ERBB4: variants seen among roughly 807,000 people sequenced by gnomAD.
ERBB4 encodes erb-b2 receptor tyrosine kinase 4.
In ERBB4, 42 loss-of-function variants were observed where a neutral mutation model predicts 158.0. The observed-to-expected ratio is 0.27, with a 90% CI of 0.21 to 0.34. ERBB4 has a LOEUF of 0.34. Ranked by LOEUF, ERBB4 falls within the 10% of genes least tolerant of loss-of-function variation. ERBB4 has a pLI of 1.00. For synonymous variants in ERBB4, 583 were observed against 558.7 expected, an observed-to-expected ratio of 1.04 and a Z score of -0.61; for missense variants, 1,333 against 1,624.1, an observed-to-expected ratio of 0.82 and a Z score of 3.08.
chr2:211,992,566 AG>A (rs149594131), intron 2 of ERBB4, among the ~76,000 whole-genome samples: 12,857 of 60,370 alleles, frequency 0.21, 788 homozygotes, highest in South Asian at 0.37. Flanking sequence ...AGAGAGAGAG[AG>A]AAAAAAAAAA....
At chr2:211,474,754 A>G (rs777441411) in intron 20 of ERBB4, among the ~76,000 whole-genome samples, 4 of 152,124 alleles carry the variant, frequency 2.6e-5, no homozygotes, top group Non-Finnish European at 2.9e-5. Context: ...GGTAGGTTAT[A>G]GGTAAAGCTT....
intron 20 of ERBB4, among the ~76,000 whole-genome samples, chr2:211,434,814 TA>T (rs1367321892): frequency 1.3e-5 from 2 of 152,166 alleles, no homozygotes; most frequent in African/African-American, 4.8e-5. Flanking sequence ...AATAAGAACG[TA>T]AGTATCTATA....
In ERBB4 at chr2:212,053,123, CAGTGA is replaced by C. The variant is rs1044257921; in HGVS notation, c.234+71624_234+71628del. On this transcript the variant is annotated intron_variant, in intron 2 of 27. Transcript: ENST00000342788. ...TCTTGAGCCCAAGAGTTCAAGGCTG[CAGTGA>C]GCCATGATTATGTCACTGCAGTCTA... 4.3e-4 allele frequency among the ~76,000 whole-genome samples: 65 copies of C among 152,226 alleles called. 1 individual carries two copies. Among genetic ancestry groups the C allele is most frequent in the Admixed American group, 5.9e-4 (9 of 15,294 alleles).
intron 2 of ERBB4, among the ~76,000 whole-genome samples, chr2:211,981,351 G>A (rs77756874): frequency 0.018 from 2,814 of 152,274 alleles, 41 homozygotes; most frequent in Non-Finnish European, 0.031. Context: ...AATTCTAACC[G>A]ATGACCTTGT....
At chr2:211,462,646 T>C (rs2064566459) in intron 20 of ERBB4, among the ~76,000 whole-genome samples, 1 of 152,188 alleles carries the variant, frequency 6.6e-6, no homozygotes, top group Non-Finnish European at 1.5e-5. Context: ...CAGTTCTTAC[T>C]TTATAATGGG....
At chr2:212,268,258 A>C (rs1209917641) in intron 1 of ERBB4, among the ~76,000 whole-genome samples, 1 of 151,866 alleles carries the variant, frequency 6.6e-6, no homozygotes, top group African/African-American at 2.4e-5. Flanking sequence ...TTATACTTTC[A>C]ATTTAGATCC....
intron 13 of ERBB4, among the ~76,000 whole-genome samples, chr2:211,675,763 T>A (rs1430875405): frequency 3.0e-5 from 4 of 131,334 alleles, no homozygotes; most frequent in Non-Finnish European, 6.4e-5. Flanking sequence ...ATATATATAT[T>A]TAATATAATA....
intron 14 of ERBB4, among the ~76,000 whole-genome samples, chr2:211,667,997 A>T (rs2071693614): frequency 6.6e-6 from 1 of 152,170 alleles, no homozygotes. Context: ...CACATAGTGT[A>T]CCTACACAAA....
intron 1 of ERBB4, among the ~76,000 whole-genome samples, chr2:212,222,997 A>G (rs2083347749): frequency 6.6e-6 from 1 of 151,428 alleles, no homozygotes; most frequent in African/African-American, 2.4e-5. Context: ...TGCCTCTTAT[A>G]TGCTTCTCTC....
chr2:212,159,418 T>C (rs2081138886), intron 1 of ERBB4, among the ~76,000 whole-genome samples: 1 of 152,018 alleles, frequency 6.6e-6, no homozygotes, highest in Non-Finnish European at 1.5e-5. Flanking sequence ...ACTGTGGATT[T>C]ACTTCTTAAC....
intron 4 of ERBB4, among the ~76,000 whole-genome samples, chr2:211,753,992 G>C (rs900530421): frequency 6.6e-6 from 1 of 151,472 alleles, no homozygotes; most frequent in African/African-American, 2.4e-5. Context: ...CGAGTAGCTG[G>C]GACTACAGGC....
chr2:212,224,636 T>A (rs1172741557), intron 1 of ERBB4, among the ~76,000 whole-genome samples: 1 of 151,872 alleles, frequency 6.6e-6, no homozygotes, highest in Non-Finnish European at 1.5e-5. Context: ...AAGAGAACAA[T>A]TAACCCCCTT....
chr2:212,396,468 T>C (rs1360088190), intron 1 of ERBB4, among the ~76,000 whole-genome samples: 2 of 152,056 alleles, frequency 1.3e-5, no homozygotes, highest in Non-Finnish European at 2.9e-5. Context: ...TTTCCTCCTC[T>C]GAAAAAGGGG....
At chr2:211,729,198 T>G (rs2074359671) in intron 5 of ERBB4, among the ~76,000 whole-genome samples, 1 of 151,828 alleles carries the variant, frequency 6.6e-6, no homozygotes, top group South Asian at 2.1e-4. Context: ...TGATATTATA[T>G]TCCCTTTTAG....
At chr2:211,803,406 T>A (rs1045947179) in intron 3 of ERBB4, among the ~76,000 whole-genome samples, 2 of 152,170 alleles carry the variant, frequency 1.3e-5, no homozygotes, top group Non-Finnish European at 2.9e-5. Flanking sequence ...AACACTTCCT[T>A]CTTTTAAACA....
At chr2:211,387,817 T>C (rs1021840149) in intron 26 of ERBB4, 128 bp downstream of exon 26, 8 of 770,526 alleles carry the variant, frequency 1.0e-5, no homozygotes, top group Middle Eastern at 2.3e-4. Flanking sequence ...AGCTACACGA[T>C]GTACACCAAA....
intron 1 of ERBB4, among the ~76,000 whole-genome samples, chr2:212,316,800 G>T (rs2087303753): frequency 6.6e-6 from 1 of 151,468 alleles, no homozygotes; most frequent in East Asian, 2.0e-4. Context: ...AAAAACCACT[G>T]ACATGTACAC....
At chr2:211,557,785 A>G (rs955816635) in intron 20 of ERBB4, among the ~76,000 whole-genome samples, 6 of 152,192 alleles carry the variant, frequency 3.9e-5, no homozygotes, top group African/African-American at 1.4e-4. Context: ...CCACAGGAAT[A>G]TAAATAACTC....
chr2:211,716,669 C>T (rs537490412), intron 7 of ERBB4, among the ~76,000 whole-genome samples: 33 of 151,596 alleles, frequency 2.2e-4, no homozygotes, highest in South Asian at 6.2e-4. Flanking sequence ...GAGCGAGACT[C>T]CGTCTCAAAA....
Sources: allele counts gnomAD v4.1 joint callset (sites outside exome capture counted in the v4.1 genomes callset), GRCh38; gene constraint gnomAD v4.1.1; transcripts MANE v1.5; gene names NCBI Gene and HGNC (gene_info 2026-07-23, HGNC 2026-07-21).